PDE4D: variants seen among roughly 807,000 people sequenced by gnomAD.
The protein encoded by PDE4D is phosphodiesterase 4D.
Under a neutral mutation model 87.4 loss-of-function variants are expected in PDE4D, and 24 were observed. The ratio of observed to expected loss-of-function variants is 0.27; its 90% confidence interval spans 0.20 to 0.39. The LOEUF is 0.39. Ranked by LOEUF, PDE4D falls within the 10% of genes least tolerant of loss-of-function variation. The pLI, the probability that PDE4D is intolerant of heterozygous loss-of-function variation, is 1.00. For synonymous variants in PDE4D, 384 were observed against 383.2 expected (o/e 1.00, Z -0.02); for missense variants, 714 against 1,041.0 (o/e 0.69, Z 4.32).
intron 1 of PDE4D, among the ~76,000 whole-genome samples, chr5:59,725,866 T>C (rs1447274086): frequency 6.6e-6 from 1 of 152,060 alleles, no homozygotes; most frequent in African/African-American, 2.4e-5. Context: ...CCTAAAAGAT[T>C]GATTGGAATA....
At chr5:60,272,585 T>C (rs541383870) in intron 1 of PDE4D, among the ~76,000 whole-genome samples, 34 of 152,234 alleles carry the variant, frequency 2.2e-4, no homozygotes, top group African/African-American at 7.9e-4. Flanking sequence ...AACCTAGTGC[T>C]GATTAGGTAT....
At position 59,488,188 on chromosome 5, in the gene PDE4D, AT is replaced by A. The variant is rs1193702078; in HGVS notation, c.456-272221del. Among the ~76,000 whole-genome samples, 7 of 146,464 alleles carry A rather than the reference AT, an allele frequency of 4.8e-5. No homozygotes were observed. The East Asian group carries it at 1.2e-3, about 25-fold the overall frequency. Reference sequence around the variant, plus strand: ...AGCCAAAAAAAAAAAAAAAAAAAAAATGTGTAACTGTTGAAGCAATGTAAAA... The same window carrying A: ...AGCCAAAAAAAAAAAAAAAAAAAAAAGTGTAACTGTTGAAGCAATGTAAAA... On this transcript the variant is annotated intron_variant, in intron 1 of 14. Transcript: ENST00000340635.
At chr5:59,397,847 G>C (rs1418430158) in intron 1 of PDE4D, among the ~76,000 whole-genome samples, 2 of 79,604 alleles carry the variant, frequency 2.5e-5, no homozygotes, top group South Asian at 4.2e-4. Context: ...GACTAATAAA[G>C]AAAAAAAGAG....
intron 1 of PDE4D, among the ~76,000 whole-genome samples, chr5:60,317,626 G>A (rs1465963114): frequency 6.6e-6 from 1 of 152,144 alleles, no homozygotes; most frequent in African/African-American, 2.4e-5. Flanking sequence ...TGGGCATTTA[G>A]TGCTATAAAT....
At chr5:60,233,797 G>A (rs1314811214) in intron 1 of PDE4D, among the ~76,000 whole-genome samples, 2 of 151,588 alleles carry the variant, frequency 1.3e-5, no homozygotes, top group Non-Finnish European at 3.0e-5. Flanking sequence ...ATGCTTACAG[G>A]TGAGGAAACT....
At chr5:59,684,822 C>T (rs913956538) in intron 1 of PDE4D, among the ~76,000 whole-genome samples, 7 of 152,338 alleles carry the variant, frequency 4.6e-5, no homozygotes, top group South Asian at 4.1e-4. Flanking sequence ...CCTCTGATGG[C>T]TGATTTTGGC....
At chr5:59,401,746 A>G (rs866137022) in intron 1 of PDE4D, among the ~76,000 whole-genome samples, 2 of 152,216 alleles carry the variant, frequency 1.3e-5, no homozygotes, top group Admixed American at 6.5e-5. Context: ...GGGAGAGGGA[A>G]CAGCTTAAAG....
intron 3 of PDE4D, among the ~76,000 whole-genome samples, chr5:59,983,863 G>T (rs780202957): frequency 7.9e-5 from 12 of 152,216 alleles, no homozygotes; most frequent in Non-Finnish European, 8.8e-5. Context: ...ATACCCAAAA[G>T]AAATGAGTGC....
chr5:59,743,433 A>G (rs1319156529), intron 1 of PDE4D, among the ~76,000 whole-genome samples: 2 of 152,170 alleles, frequency 1.3e-5, no homozygotes, highest in African/African-American at 4.8e-5. Flanking sequence ...AAGTACATGA[A>G]AAGCTGCTCA....
chr5:59,421,839 G>A (rs1794528436), intron 1 of PDE4D, among the ~76,000 whole-genome samples: 1 of 151,906 alleles, frequency 6.6e-6, no homozygotes, highest in Admixed American at 6.6e-5. Flanking sequence ...TTTACTGTCT[G>A]ATTACTTTTG....
At chr5:59,242,123 G>T (rs762875998) in intron 1 of PDE4D, among the ~76,000 whole-genome samples, 7 of 152,020 alleles carry the variant, frequency 4.6e-5, no homozygotes, top group Non-Finnish European at 7.4e-5. Flanking sequence ...AGGCATGGTG[G>T]CCCACACATG....
intron 5 of PDE4D, among the ~76,000 whole-genome samples, chr5:59,143,088 C>T (rs1778140188): frequency 6.6e-6 from 1 of 151,478 alleles, no homozygotes; most frequent in African/African-American, 2.4e-5. Flanking sequence ...CCTTTCTTTT[C>T]CTTTACTGTT....
intron 1 of PDE4D, among the ~76,000 whole-genome samples, chr5:59,872,125 G>C (rs10066552): frequency 6.6e-6 from 1 of 152,096 alleles, no homozygotes; most frequent in Admixed American, 6.6e-5. Context: ...ACTTGGCGAC[G>C]ATGGGAGAAG....
chr5:60,081,037 A>T lies in PDE4D; in HGVS notation c.43-92320T>A, dbSNP rs543520384. Among the ~76,000 whole-genome samples the T allele has an allele frequency of 2.0e-5, 3 of 152,278 alleles. No individual in the cohort carries two copies. In the South Asian group the frequency reaches 6.2e-4, roughly 32 times the overall value. ...GATTTTTTTGGTTGGTAGGCCATTA[A>T]TTACTGCCTCCATTTTAGAGACTGT... On this transcript the variant is annotated intron_variant, in intron 2 of 16. Transcript: ENST00000502484.
intron 1 of PDE4D, among the ~76,000 whole-genome samples, chr5:60,275,032 T>G (rs918147302): frequency 6.6e-6 from 1 of 152,200 alleles, no homozygotes; most frequent in Non-Finnish European, 1.5e-5. Flanking sequence ...AAGGAGTTGT[T>G]AAAACAGAGA....
At chr5:59,946,280 G>A (rs1396019994) in intron 3 of PDE4D, among the ~76,000 whole-genome samples, 1 of 152,170 alleles carries the variant, frequency 6.6e-6, no homozygotes, top group Non-Finnish European at 1.5e-5. Context: ...TGGCAAAGTG[G>A]TGGGCAAGCA....
intron 1 of PDE4D, among the ~76,000 whole-genome samples, chr5:59,542,994 G>A (rs1239973311): frequency 6.6e-6 from 1 of 152,124 alleles, no homozygotes; most frequent in Non-Finnish European, 1.5e-5. Flanking sequence ...AGAGCCAAGT[G>A]AAAGTTATTT....
At chr5:59,687,529 A>AT (rs1318917649) in intron 1 of PDE4D, among the ~76,000 whole-genome samples, 1 of 152,198 alleles carries the variant, frequency 6.6e-6, no homozygotes, top group African/African-American at 2.4e-5. Flanking sequence ...ATGCTGAGAG[A>AT]TTTTGTCACC....
intron 1 of PDE4D, among the ~76,000 whole-genome samples, chr5:59,359,616 T>G (rs1042535612): frequency 1.3e-5 from 2 of 152,160 alleles, no homozygotes; most frequent in South Asian, 4.1e-4. Context: ...AATAAGAAAT[T>G]AAATAAAATG....
Sources: gnomAD v4.1 joint callset for allele counts (sites outside exome capture counted in the v4.1 genomes callset) on GRCh38, gnomAD v4.1.1 for gene constraint, MANE v1.5 for transcripts, NCBI Gene and HGNC (gene_info 2026-07-23, HGNC 2026-07-21) for gene names.